The following PCDHGA5 variants were observed in gnomAD, a reference collection of about 807,000 sequenced individuals.
PCDHGA5 encodes protocadherin gamma-A5.
Under a neutral mutation model 56.7 loss-of-function variants are expected in PCDHGA5, and 36 were observed. The ratio of observed to expected loss-of-function variants is 0.64; its 90% CI spans 0.49 to 0.84. The LOEUF is 0.84. Ranked by LOEUF, PCDHGA5 falls within the 40% of genes least tolerant of loss-of-function variation. The probability of loss-of-function intolerance (pLI) is 0.00; values close to 1 mark genes in which losing one functional copy is unlikely to be tolerated. For missense variants in PCDHGA5, 1,305 were observed against 1,201.5 expected (o/e 1.09, Z -1.27); for synonymous variants, 563 against 520.2 (o/e 1.08, Z -1.12).
chr5:141,374,696 G>T (rs747520978), intron 1 of PCDHGA5: 1 of 1,609,314 alleles, frequency 6.2e-7, no homozygotes, highest in South Asian at 1.1e-5. Context: ...CCGGGAAGGA[G>T]AAGCCGTTTA....
In PCDHGA5 at chr5:141,477,292, A is replaced by G; in HGVS notation, c.2422-17515A>G. The G allele has an allele frequency of 1.2e-6, 2 of 1,614,114 alleles. No individual in the cohort carries two copies. The highest frequency in any genetic ancestry group is 4.5e-5 in the East Asian group (2 of 44,862). On this transcript the variant is annotated intron_variant, in intron 1 of 3. Transcript: ENST00000518069. The surrounding 1 kb of genome is among the most constrained non-coding windows in gnomAD (Gnocchi z 4.9). ...ACGGGCTGGTGACCTGCGAAGTTCCACCGGGTCTCCCTTTCAGCCTTACTT... is the reference window on the plus strand; with the variant it reads ...ACGGGCTGGTGACCTGCGAAGTTCCGCCGGGTCTCCCTTTCAGCCTTACTT...
chr5:141,450,052 G>C (rs2098667259), intron 1 of PCDHGA5, among the ~76,000 whole-genome samples: 1 of 141,832 alleles, frequency 7.1e-6, no homozygotes, highest in African/African-American at 2.7e-5. Flanking sequence ...TTTCGCCCAG[G>C]CTGGAATGCA....
intron 1 of PCDHGA5, among the ~76,000 whole-genome samples, chr5:141,484,179 A>G (rs2099592960): frequency 6.6e-6 from 1 of 152,222 alleles, no homozygotes; most frequent in South Asian, 2.1e-4. Context: ...GATCTCAATC[A>G]TTCAAGGAAG....
rs1233637152 is a variant in PCDHGA5 at position 141,432,543 on chromosome 5, A to G, written c.2422-62264A>G. ...CTGGTGACCAAGGTGGTGGCGGTGGACAGAGACTCCGGCCAGAACGCCTGG... is the reference window on the plus strand; with the variant it reads ...CTGGTGACCAAGGTGGTGGCGGTGGGCAGAGACTCCGGCCAGAACGCCTGG... On this transcript the variant is annotated intron_variant, in intron 1 of 3. Transcript: ENST00000518069. This position sits in a 1 kb window ranked among gnomAD's most constrained non-coding sequence, Gnocchi z 6.0. 3 of 1,613,678 alleles carry G rather than the reference A, an allele frequency of 1.9e-6. No individual in the cohort carries two copies. In the African/African-American group the frequency reaches 4.0e-5, roughly 22 times the overall value.
At chr5:141,423,025 G>A in intron 1 of PCDHGA5, 1 of 1,614,222 alleles carries the variant, frequency 6.2e-7, no homozygotes, top group Non-Finnish European at 8.5e-7. Context: ...CAAAGATTCA[G>A]GCCAGAACGC....
intron 1 of PCDHGA5, chr5:141,387,572 T>C (rs369703788): frequency 1.9e-4 from 92 of 480,688 alleles, no homozygotes; most frequent in Non-Finnish European, 2.3e-4. Flanking sequence ...CAATTATAAT[T>C]ATTGCACTGG....
intron 1 of PCDHGA5, chr5:141,383,379 A>G: frequency 6.2e-7 from 1 of 1,614,052 alleles, no homozygotes; most frequent in Non-Finnish European, 8.5e-7. Context: ...CTGGGGATCC[A>G]GATGTGGGCA....
rs140294664 is a variant in PCDHGA5 at position 141,365,565 on chromosome 5, G to C, written c.1235G>C (p.Arg412Thr). 1 of 1,613,720 alleles carries C rather than the reference G, an allele frequency of 6.2e-7. No individual in the cohort carries two copies. Among genetic ancestry groups the C allele is most frequent in the Non-Finnish European group, 8.5e-7 (1 of 1,179,898 alleles). ...CTATTAACAACTAGGGACCTGGACA[G>C]AGAAGAGACTTCAGATTATAATATC... ...YHLLTTRDLD[R>T]EETSDYNITL... Residue 412 changes from arginine to threonine, a missense_variant, in exon 1 of 4, where the codon AGA becomes ACA. Coordinates refer to ENST00000518069, the MANE Select transcript of PCDHGA5 (RefSeq NM_018918.3).
At chr5:141,419,744 G>A (rs760207269) in intron 1 of PCDHGA5, 28 of 1,613,778 alleles carry the variant, frequency 1.7e-5, no homozygotes, top group East Asian at 2.2e-5. Context: ...GGTGCGCATG[G>A]TGCGTGCTTT....
At position 141,364,485 on chromosome 5, in the gene PCDHGA5, T is replaced by C. The variant is rs1357301419; in HGVS notation, c.155T>C (p.Leu52Pro). 1 of 1,614,028 alleles carries C rather than the reference T, an allele frequency of 6.2e-7. No individual in the cohort carries two copies. The highest frequency in any genetic ancestry group is 1.7e-5 in the Admixed American group (1 of 60,034). The change falls in exon 1 of 4, where the codon CTT becomes CCT. Residue 52 changes from leucine (L) to proline (P), a missense_variant. Transcript: ENST00000518069. ...GSFVGNIAKDLGLEPQELAER... is the reference protein window; with the variant it reads ...GSFVGNIAKDPGLEPQELAER... ...TTCGTCGGCAACATAGCCAAGGACC[T>C]TGGGCTGGAGCCCCAGGAGCTGGCG...
intron 1 of PCDHGA5, among the ~76,000 whole-genome samples, chr5:141,434,766 A>T (rs1383531828): frequency 1.3e-5 from 2 of 151,012 alleles, no homozygotes; most frequent in Non-Finnish European, 3.0e-5. Context: ...CCCACTTCAC[A>T]CTTCTAAAAA....
intron 1 of PCDHGA5, chr5:141,372,736 T>C (rs1303541912): frequency 1.9e-6 from 3 of 1,613,276 alleles, no homozygotes; most frequent in African/African-American, 2.7e-5. Context: ...CAAGATCTTC[T>C]ATGTGATGAA....
At chr5:141,470,416 A>AT (rs1300623208) in intron 1 of PCDHGA5, among the ~76,000 whole-genome samples, 3 of 152,134 alleles carry the variant, frequency 2.0e-5, no homozygotes, top group African/African-American at 7.2e-5. Flanking sequence ...GATTTTATGT[A>AT]TTTTTTCCTT....
chr5:141,367,194 C>G (rs1212197084), intron 1 of PCDHGA5: 4 of 158,964 alleles, frequency 2.5e-5, no homozygotes, highest in African/African-American at 9.7e-5. Flanking sequence ...AAATAATTTA[C>G]AGTATTTACA....
chr5:141,390,099 C>T (rs1252752587), intron 1 of PCDHGA5: 2 of 1,614,052 alleles, frequency 1.2e-6, no homozygotes, highest in Admixed American at 3.3e-5. Context: ...CGTGGTTCCC[C>T]CCAACTACAG....
At position 141,505,390 on chromosome 5, in the gene PCDHGA5, C is replaced by T; in HGVS notation, c.2481-3C>T. On this transcript the variant is annotated splice_polypyrimidine_tract_variant and splice_region_variant and intron_variant, in intron 2 of 3. Coordinates refer to ENST00000518069, the MANE Select transcript of PCDHGA5 (RefSeq NM_018918.3). ...TGTGCTCACCATCCTACTCTCTCCCCAGCTCCCAAAATGGCGATGACACCG... is the reference window on the plus strand; with the variant it reads ...TGTGCTCACCATCCTACTCTCTCCCTAGCTCCCAAAATGGCGATGACACCG... The T allele has an allele frequency of 6.2e-7, 1 of 1,614,130 alleles. No individual in the cohort carries two copies.
chr5:141,382,962 G>T (rs1259468425), intron 1 of PCDHGA5: 2 of 1,607,858 alleles, frequency 1.2e-6, no homozygotes, highest in Non-Finnish European at 1.7e-6. Flanking sequence ...TCCTCCTGGG[G>T]ACCCCCTGGG....
At chr5:141,410,619 C>G in intron 1 of PCDHGA5, 1 of 1,603,732 alleles carries the variant, frequency 6.2e-7, no homozygotes, top group Admixed American at 1.7e-5. Context: ...ACTCTGACTT[C>G]GGTGAGTTTC....
intron 1 of PCDHGA5, chr5:141,393,048 C>A (rs745354934): frequency 3.7e-6 from 6 of 1,613,672 alleles, no homozygotes; most frequent in Non-Finnish European, 5.1e-6. Flanking sequence ...TGCTCTGAAC[C>A]CGCGCAGCGG....
Sources: gnomAD v4.1 joint callset for allele counts (sites outside exome capture counted in the v4.1 genomes callset) on GRCh38, gnomAD v4.1.1 for gene constraint, Gnocchi (gnomAD v3.1) non-coding constraint, MANE v1.5 for transcripts, NCBI Gene and HGNC (gene_info 2026-07-23, HGNC 2026-07-21) for gene names.